Variants in DNMBP observed in about 807,000 individuals in gnomAD.
DNMBP encodes the protein dynamin binding protein.
Under a neutral mutation model 150.0 loss-of-function variants are expected in DNMBP, and 87 were observed. The observed-to-expected ratio is 0.58, with a 90% CI of 0.49 to 0.69. The LOEUF is 0.69. DNMBP is among the 30% of genes least tolerant of loss of function. The pLI, the probability that DNMBP is intolerant of heterozygous loss-of-function variation, is 0.00. For synonymous variants in DNMBP, 711 were observed against 750.4 expected, an observed-to-expected ratio of 0.95 and a Z score of 0.86; for missense variants, 1,774 against 1,949.0, an observed-to-expected ratio of 0.91 and a Z score of 1.69.
At chr10:99,995,867 C>G (rs562196830) in intron 1 of DNMBP, among the ~76,000 whole-genome samples, 3 of 152,332 alleles carry the variant, frequency 2.0e-5, no homozygotes, top group African/African-American at 7.2e-5. Context: ...GTGGAGTCAC[C>G]CAGGTGCTGC....
At chr10:100,005,764 C>CAGAAAAAAAAAAAAA (rs2041062144) in intron 1 of DNMBP, among the ~76,000 whole-genome samples, 1 of 37,978 alleles carries the variant, frequency 2.6e-5, no homozygotes, top group African/African-American at 1.0e-4. Flanking sequence ...CAAAAGTCTC[C>CAGAAAAAAAAAAAAA]AAAAAAAAAA....
chr10:99,879,959 C>T lies in DNMBP; in HGVS notation c.4400G>A (p.Arg1467Gln), dbSNP rs3740062. The T allele has an allele frequency of 1.3e-5, 21 of 1,613,726 alleles. No individual in the cohort carries two copies. The highest frequency in any genetic ancestry group is 9.0e-5 in the East Asian group (4 of 44,594). ...AACTATTTCTGGATGCCTGAAGTTC[C>T]GGTAGCTCCTCGGCGTGGCAGTGGG... is the stretch of plus-strand genomic sequence containing the variant. ...KQPTATPRSY[R>Q]NFRHPEIVGY... Residue 1467 changes from arginine (R) to glutamine (Q), a missense_variant, in exon 16 of 17, where the codon CGG (arginine) becomes CAG (glutamine). This residue lies in a region of DNMBP where 1,430 missense variants were observed against 1,492.5 expected (regional missense o/e 0.96). Transcript: ENST00000324109.
At position 99,955,869 on chromosome 10, in the gene DNMBP, T is replaced by A; in HGVS notation, c.1605A>T (p.Glu535Asp). Reference protein sequence around the residue: ...PGPQAQGLVMEAATHSQGDGS... With the variant: ...PGPQAQGLVMDAATHSQGDGS... ...CGTCTCCCTGTGAATGTGTTGCTGCTTCCATAACAAGCCCTTGGGCTTGCG... is the reference window on the plus strand; with the variant it reads ...CGTCTCCCTGTGAATGTGTTGCTGCATCCATAACAAGCCCTTGGGCTTGCG... The change falls in exon 4 of 17, where the codon GAA becomes GAT. Residue 535 changes from glutamate to aspartate, a missense_variant. Coordinates refer to ENST00000324109, the MANE Select transcript of DNMBP (RefSeq NM_015221.4). 6.2e-7 allele frequency: 1 copy of A among 1,614,210 alleles called. No homozygotes were observed. Among genetic ancestry groups the A allele is most frequent in the Non-Finnish European group, 8.5e-7 (1 of 1,180,034 alleles).
chr10:99,955,394 C>T lies in DNMBP; in HGVS notation c.2080G>A (p.Val694Met). The change falls in exon 4 of 17, where the codon GTG (valine) becomes ATG (methionine). Residue 694 changes from valine (V) to methionine (M), a missense_variant. Val to Met is a conservative substitution (Grantham distance 21). This residue lies in a region of DNMBP where 1,430 missense variants were observed against 1,492.5 expected (regional missense o/e 0.96). Transcript: ENST00000324109. ...SLDQTSPCPLVLVRIEEMERD... is the reference protein window; with the variant it reads ...SLDQTSPCPLMLVRIEEMERD... ...TCCATTTCCTCAATCCTCACCAGCA[C>T]TAAGGGGCATGGGGAGGTCTGGTCC... The T allele has an allele frequency of 6.2e-7, 1 of 1,614,188 alleles. No individual in the cohort carries two copies. Among genetic ancestry groups the T allele is most frequent in the Non-Finnish European group, 8.5e-7 (1 of 1,180,026 alleles).
intron 14 of DNMBP, among the ~76,000 whole-genome samples, chr10:99,884,976 T>G (rs1346254085): frequency 6.6e-6 from 1 of 152,164 alleles, no homozygotes; most frequent in Non-Finnish European, 1.5e-5. Flanking sequence ...AAAAATATTG[T>G]AAGCAAAGAT....
intron 4 of DNMBP, among the ~76,000 whole-genome samples, chr10:99,950,994 A>ATT (rs2040415836): frequency 6.6e-6 from 1 of 152,232 alleles, no homozygotes; most frequent in Non-Finnish European, 1.5e-5. Context: ...ACAGGCCCAA[A>ATT]GGCCTAGGAG....
chr10:99,960,044 C>A (rs1266785862), intron 3 of DNMBP, among the ~76,000 whole-genome samples: 1 of 151,908 alleles, frequency 6.6e-6, no homozygotes, highest in African/African-American at 2.4e-5. Flanking sequence ...TGAAAATAAC[C>A]AATTTTCAGG....
intron 6 of DNMBP, among the ~76,000 whole-genome samples, chr10:99,907,399 G>GT (rs754368026): frequency 0.029 from 4,170 of 145,082 alleles, 92 homozygotes; most frequent in Non-Finnish European, 0.039. Flanking sequence ...ATTTTCTTTT[G>GT]TTTTTTTTTT....
chr10:99,894,896 G>T, intron 11 of DNMBP, 50 bp downstream of exon 11: 1 of 1,377,132 alleles, frequency 7.3e-7, no homozygotes, highest in Non-Finnish European at 1.0e-6. Flanking sequence ...CAGGAAAGGG[G>T]ACAGAATTAC....
chr10:99,966,454 C>T (rs1322679395), intron 3 of DNMBP, among the ~76,000 whole-genome samples: 2 of 152,206 alleles, frequency 1.3e-5, no homozygotes, highest in Non-Finnish European at 2.9e-5. Flanking sequence ...AGACAGGTGA[C>T]TCACGATGCC....
intron 1 of DNMBP, among the ~76,000 whole-genome samples, chr10:99,982,537 C>A (rs946334506): frequency 2.0e-5 from 3 of 152,062 alleles, no homozygotes; most frequent in Admixed American, 2.0e-4. Flanking sequence ...ATCCACCATT[C>A]TAAATCCAGG....
intron 5 of DNMBP, 83 bp downstream of exon 5, chr10:99,908,868 CTG>C: frequency 8.0e-7 from 1 of 1,246,680 alleles, no homozygotes; most frequent in Non-Finnish European, 1.1e-6. Context: ...TCCAATAAAT[CTG>C]TGGCGAAAGC....
chr10:99,916,238 G>A (rs755214063), intron 4 of DNMBP, among the ~76,000 whole-genome samples: 2 of 152,180 alleles, frequency 1.3e-5, no homozygotes, highest in African/African-American at 2.4e-5. Flanking sequence ...CAAGGCAGGC[G>A]GATCACCTGA....
At position 99,883,715 on chromosome 10, in the gene DNMBP, A is replaced by C. The variant is rs11817527; in HGVS notation, c.3997+296T>G. Among the ~76,000 whole-genome samples the C allele has an allele frequency of 7.1e-3, 1,073 of 151,136 alleles. 17 individuals are homozygous for C. Among genetic ancestry groups the C allele is most frequent in the African/African-American group, 0.024 (999 of 41,310 alleles). The stretch of plus-strand genomic sequence containing the variant: ...TTTGTGGCATACTGGGAACAGGCTA[A>C]GAAGGAACAGGATTCCGTGAGGCAG... On this transcript the variant is annotated intron_variant, in intron 15 of 16. Transcript: ENST00000324109.
intron 16 of DNMBP, among the ~76,000 whole-genome samples, chr10:99,878,102 T>TA (rs1423673036): frequency 7.2e-5 from 11 of 152,144 alleles, no homozygotes; most frequent in Non-Finnish European, 1.2e-4. Context: ...GACTCCATTT[T>TA]AAAAAAACTA....
chr10:99,930,593 CT>C (rs753265341), intron 4 of DNMBP: 7 of 702,934 alleles, frequency 1.0e-5, no homozygotes, highest in Admixed American at 4.0e-5. Context: ...AGGGCTGATG[CT>C]GTCCCTTGGC....
At chr10:99,947,755 G>A (rs1301766543) in intron 4 of DNMBP, among the ~76,000 whole-genome samples, 3 of 152,082 alleles carry the variant, frequency 2.0e-5, no homozygotes, top group Non-Finnish European at 4.4e-5. Context: ...TATTTTAAGA[G>A]TAATTTAAAA....
Position 99,896,902 on chromosome 10 carries a change from T to G in DNMBP, c.2921-505A>C, listed in dbSNP as rs150025677. Among the ~76,000 whole-genome samples, 4 of 152,020 alleles carry G rather than the reference T, an allele frequency of 2.6e-5. No homozygotes were observed. The East Asian group carries it at 7.8e-4, about 29-fold the overall frequency. On this transcript the variant is annotated intron_variant, in intron 9 of 16. Coordinates refer to ENST00000324109, the MANE Select transcript of DNMBP (RefSeq NM_015221.4). Reference sequence around the variant, plus strand: ...AAGTGTAGAGATAAAAGTAGAAGGGTGGCAAGGGGAAGACTGGGAGGCAGC... The same window carrying G: ...AAGTGTAGAGATAAAAGTAGAAGGGGGGCAAGGGGAAGACTGGGAGGCAGC...
chr10:99,915,444 T>C (rs2039955411), intron 4 of DNMBP, among the ~76,000 whole-genome samples: 1 of 149,422 alleles, frequency 6.7e-6, no homozygotes, highest in African/African-American at 2.5e-5. Context: ...CAGTGGCTCA[T>C]GACTATAATT....
Sources: gnomAD v4.1 joint callset for allele counts (sites outside exome capture counted in the v4.1 genomes callset) on GRCh38, gnomAD v4.1.1 for gene constraint, gnomAD v4.1.1 regional missense constraint, MANE v1.5 for transcripts, NCBI Gene and HGNC (gene_info 2026-07-23, HGNC 2026-07-21) for gene names.